Variants in GATAD2B observed in about 807,000 individuals in gnomAD.
GATAD2B encodes transcriptional repressor p66-beta.
Under a neutral mutation model 64.3 loss-of-function variants are expected in GATAD2B, and 8 were observed. That is an observed-to-expected ratio of 0.12 (90% CI 0.07 to 0.22). GATAD2B has a LOEUF of 0.22. Among genes scored for constraint, GATAD2B ranks in the 10% least tolerant of loss-of-function variants. GATAD2B has a pLI of 1.00. For missense variants in GATAD2B, 453 were observed against 752.0 expected, an observed-to-expected ratio of 0.60 and a Z score of 4.65; for synonymous variants, 281 against 271.3, an observed-to-expected ratio of 1.04 and a Z score of -0.35.
intron 1 of GATAD2B, among the ~76,000 whole-genome samples, 164 bp downstream of exon 1, chr1:153,922,569 C>A (rs932621379): frequency 6.7e-6 from 1 of 150,100 alleles, no homozygotes; most frequent in African/African-American, 2.4e-5. Context: ...CGGGGGCGCG[C>A]GGGCGGGCGT....
intron 1 of GATAD2B, among the ~76,000 whole-genome samples, chr1:153,878,547 G>A (rs1676905983): frequency 6.6e-6 from 1 of 152,022 alleles, no homozygotes; most frequent in African/African-American, 2.4e-5. Context: ...TAAAGATGTG[G>A]CAAGAAGAGA....
At chr1:153,904,629 C>T (rs1488138279) in intron 1 of GATAD2B, among the ~76,000 whole-genome samples, 1 of 152,100 alleles carries the variant, frequency 6.6e-6, no homozygotes, top group East Asian at 1.9e-4. Flanking sequence ...GCAACCTCCA[C>T]CTCATGGGTT....
intron 1 of GATAD2B, among the ~76,000 whole-genome samples, chr1:153,900,917 A>G (rs1160781470): frequency 1.3e-5 from 2 of 152,206 alleles, no homozygotes; most frequent in African/African-American, 4.8e-5. Flanking sequence ...CAATCATTTA[A>G]AAATCATAAA....
intron 1 of GATAD2B, among the ~76,000 whole-genome samples, chr1:153,834,751 T>C (rs1570943429): frequency 6.6e-6 from 1 of 152,266 alleles, no homozygotes; most frequent in Non-Finnish European, 1.5e-5. Context: ...TACATGACCT[T>C]TGACAGGTTC....
At chr1:153,830,060 C>T (rs369573619) in intron 1 of GATAD2B, among the ~76,000 whole-genome samples, 111 of 152,270 alleles carry the variant, frequency 7.3e-4, no homozygotes, top group Non-Finnish European at 1.4e-3. Flanking sequence ...CACACCACTG[C>T]ATTCCAGCCT....
At chr1:153,920,380 T>C (rs771548671) in intron 1 of GATAD2B, among the ~76,000 whole-genome samples, 7 of 152,192 alleles carry the variant, frequency 4.6e-5, no homozygotes, top group East Asian at 1.9e-4. Context: ...ATACAAGCTT[T>C]TGAAAGTACT....
In GATAD2B at chr1:153,810,210, C is replaced by T. The variant is rs1225557818; in HGVS notation, c.1749G>A (p.Arg583=). 3 of 1,612,890 alleles carry T rather than the reference C, an allele frequency of 1.9e-6. No individual in the cohort carries two copies. Among genetic ancestry groups the T allele is most frequent in the Non-Finnish European group, 2.5e-6 (3 of 1,179,520 alleles). ...REYLLDMIPP[R]SISQSISGQK ...GTCCACTGATGGACTGCGATATAGACCGGGGAGGGATCATGTCTAAAAGGT... is the reference window on the plus strand; with the variant it reads ...GTCCACTGATGGACTGCGATATAGATCGGGGAGGGATCATGTCTAAAAGGT... The change falls in exon 11 of 11, where the codon CGG becomes CGA. Residue 583 remains arginine, a synonymous_variant. Transcript: ENST00000368655.
At chr1:153,833,591 G>A (rs909957636) in intron 1 of GATAD2B, among the ~76,000 whole-genome samples, 1 of 152,054 alleles carries the variant, frequency 6.6e-6, no homozygotes, top group Non-Finnish European at 1.5e-5. Context: ...GAGGCAGGTG[G>A]ATCACCTAAG....
chr1:153,840,195 G>A (rs1277751764), intron 1 of GATAD2B, among the ~76,000 whole-genome samples: 2 of 150,006 alleles, frequency 1.3e-5, no homozygotes, highest in Non-Finnish European at 3.0e-5. Context: ...ATCACGCCCG[G>A]CTAATTTTTT....
intron 1 of GATAD2B, among the ~76,000 whole-genome samples, chr1:153,881,714 G>A (rs1677015494): frequency 6.6e-6 from 1 of 152,118 alleles, no homozygotes; most frequent in African/African-American, 2.4e-5. Context: ...AGAAAAGTGA[G>A]AGAGATAAGA....
chr1:153,837,109 T>C (rs1170930329), intron 1 of GATAD2B, among the ~76,000 whole-genome samples: 1 of 152,080 alleles, frequency 6.6e-6, no homozygotes, highest in Non-Finnish European at 1.5e-5. Context: ...TGGACGAACT[T>C]TGAAAACATT....
chr1:153,822,917 A>G lies in GATAD2B; in HGVS notation c.336-3182T>C, dbSNP rs530374482. Among the ~76,000 whole-genome samples, 14 of 152,150 alleles carry G rather than the reference A, an allele frequency of 9.2e-5. No homozygotes were observed. The South Asian group carries it at 2.9e-3, about 32-fold the overall frequency. On this transcript the variant is annotated intron_variant, in intron 2 of 10. Transcript: ENST00000368655. ...CTGCAGTCTCAATCTCCTAGGCCCA[A>G]GCGATCCTCCCACCTCAGCCTCCTG...
At chr1:153,909,825 G>A (rs1188271516) in intron 1 of GATAD2B, among the ~76,000 whole-genome samples, 1 of 151,320 alleles carries the variant, frequency 6.6e-6, no homozygotes, top group Non-Finnish European at 1.5e-5. Context: ...GCACACACCT[G>A]TAATCCCAGT....
At chr1:153,888,975 C>T (rs767038701) in intron 1 of GATAD2B, among the ~76,000 whole-genome samples, 1 of 152,124 alleles carries the variant, frequency 6.6e-6, no homozygotes, top group Non-Finnish European at 1.5e-5. Flanking sequence ...TACTCAATCT[C>T]TGACTTAAGA....
chr1:153,843,649 G>A (rs1675575934), intron 1 of GATAD2B, among the ~76,000 whole-genome samples: 1 of 151,928 alleles, frequency 6.6e-6, no homozygotes, highest in Admixed American at 6.6e-5. Context: ...CTGCTGTGTA[G>A]AATCCCACAG....
Position 153,902,316 on chromosome 1 carries a change from C to T in GATAD2B, c.-2+20417G>A, listed in dbSNP as rs147024721. Among the ~76,000 whole-genome samples, 279 of 152,206 alleles carry T rather than the reference C, an allele frequency of 1.8e-3. 2 individuals are homozygous for T. The highest frequency in any genetic ancestry group is 3.4e-3 in the Middle Eastern group (1 of 294). On this transcript the variant is annotated intron_variant, in intron 1 of 10. Coordinates refer to ENST00000368655, the MANE Select transcript of GATAD2B (RefSeq NM_020699.4). Reference sequence around the variant, plus strand: ...AAAAAAAGAAAAAAAAAAGAATTTTCAGGATTTGGTAAGCCTATCATACTT... The same window carrying T: ...AAAAAAAGAAAAAAAAAAGAATTTTTAGGATTTGGTAAGCCTATCATACTT...
chr1:153,869,170 T>C (rs1409680307), intron 1 of GATAD2B, among the ~76,000 whole-genome samples: 1 of 151,794 alleles, frequency 6.6e-6, no homozygotes, highest in Non-Finnish European at 1.5e-5. Flanking sequence ...TGGGTGCCTG[T>C]AGTCCCAGCT....
At chr1:153,875,909 CAG>C (rs986421947) in intron 1 of GATAD2B, among the ~76,000 whole-genome samples, 1 of 151,944 alleles carries the variant, frequency 6.6e-6, no homozygotes, top group African/African-American at 2.4e-5. Context: ...AAAAGAAAAA[CAG>C]ATAAACTGAG....
chr1:153,853,052 C>T (rs1293721638), intron 1 of GATAD2B: 13 of 1,498,538 alleles, frequency 8.7e-6, no homozygotes, highest in South Asian at 2.3e-5. Flanking sequence ...TCACAGTAGT[C>T]GTCACAGCAT....
Sources: allele counts gnomAD v4.1 joint callset (sites outside exome capture counted in the v4.1 genomes callset), GRCh38; gene constraint gnomAD v4.1.1; transcripts MANE v1.5; gene names NCBI Gene and HGNC (gene_info 2026-07-23, HGNC 2026-07-21).